Variants in DLGAP1 observed in about 807,000 individuals in gnomAD.
DLGAP1 encodes the protein DLG associated protein 1.
DLGAP1 carries 11 observed loss-of-function variants against 90.8 expected under a neutral mutation model. That is an observed-to-expected ratio of 0.12 (90% CI 0.08 to 0.20). The LOEUF (loss-of-function observed/expected upper bound fraction) is 0.20. DLGAP1 is among the 10% of genes least tolerant of loss of function. DLGAP1 has a pLI of 1.00. For synonymous variants in DLGAP1, 558 were observed against 540.7 expected (o/e 1.03, Z -0.44); for missense variants, 1,050 against 1,333.8 (o/e 0.79, Z 3.31).
chr18:3,876,025 G>GA (rs35857812), intron 4 of DLGAP1, among the ~76,000 whole-genome samples: 7,261 of 134,776 alleles, frequency 0.054, 406 homozygotes, highest in African/African-American at 0.15. Flanking sequence ...CAATAGAGCT[G>GA]AAAAAAAAAA....
chr18:3,584,945 G>T (rs1356475073), intron 7 of DLGAP1, among the ~76,000 whole-genome samples: 2 of 152,082 alleles, frequency 1.3e-5, no homozygotes, highest in East Asian at 1.9e-4. Context: ...AGAGATGGGG[G>T]TCTTGTTGTG....
At chr18:4,250,618 T>C (rs1294905032) in intron 1 of DLGAP1, among the ~76,000 whole-genome samples, 1 of 152,232 alleles carries the variant, frequency 6.6e-6, no homozygotes, top group African/African-American at 2.4e-5. Context: ...CCTCATACTT[T>C]AGCAAGATTT....
intron 5 of DLGAP1, among the ~76,000 whole-genome samples, chr18:3,749,172 CAG>C (rs1179378870): frequency 1.2e-4 from 13 of 111,634 alleles, no homozygotes; most frequent in Non-Finnish European, 2.2e-4. Flanking sequence ...TTTTTTTTGA[CAG>C]AGTCTCACTC....
At chr18:4,249,889 A>G (rs1198529379) in intron 1 of DLGAP1, among the ~76,000 whole-genome samples, 1 of 152,154 alleles carries the variant, frequency 6.6e-6, no homozygotes, top group Non-Finnish European at 1.5e-5. Context: ...AAGCGTGACC[A>G]TGTAAGTTTC....
intron 1 of DLGAP1, among the ~76,000 whole-genome samples, chr18:4,306,380 T>C (rs1239448661): frequency 5.3e-5 from 8 of 151,628 alleles, no homozygotes; most frequent in East Asian, 1.9e-4. Flanking sequence ...AAAAGTTTAA[T>C]ATGATCATAT....
At position 3,775,352 on chromosome 18, in the gene DLGAP1, A is replaced by G. The variant is rs2064889881; in HGVS notation, c.1173-32840T>C. ...GAAGGGCCTGGTGGGAGGTGACTGA[A>G]TCATGGGGGCAGACTTCCCTCTTGC... is the stretch of plus-strand genomic sequence containing the variant. On this transcript the variant is annotated intron_variant, in intron 5 of 12. Coordinates refer to ENST00000315677, the MANE Select transcript of DLGAP1 (RefSeq NM_004746.4). This position sits in a 1 kb window ranked among gnomAD's most constrained non-coding sequence, Gnocchi z 4.9. 6.6e-6 allele frequency among the ~76,000 whole-genome samples: 1 copy of G among 152,168 alleles called. No homozygotes were observed. The highest frequency in any genetic ancestry group is 2.4e-5 in the African/African-American group (1 of 41,416).
chr18:4,370,161 T>C (rs1424112286), intron 1 of DLGAP1, among the ~76,000 whole-genome samples: 1 of 152,192 alleles, frequency 6.6e-6, no homozygotes, highest in East Asian at 1.9e-4. Flanking sequence ...CAGGTCCTGC[T>C]GAATGTTTAG....
intron 7 of DLGAP1, among the ~76,000 whole-genome samples, chr18:3,686,356 AG>A (rs1042861505): frequency 6.6e-6 from 1 of 152,144 alleles, no homozygotes; most frequent in African/African-American, 2.4e-5. Flanking sequence ...TCATGGGGGA[AG>A]GTTGTTTAGA....
intron 7 of DLGAP1, among the ~76,000 whole-genome samples, chr18:3,664,975 C>A (rs1309888655): frequency 6.6e-6 from 1 of 152,130 alleles, no homozygotes; most frequent in African/African-American, 2.4e-5. Flanking sequence ...TAATATGAGG[C>A]CACTGGTCCT....
intron 1 of DLGAP1, among the ~76,000 whole-genome samples, chr18:4,358,917 A>T (rs1598278558): frequency 6.6e-6 from 1 of 152,106 alleles, no homozygotes; most frequent in African/African-American, 2.4e-5. Context: ...TTAGTAATAG[A>T]CCTGACAGTC....
At chr18:4,080,025 T>A (rs1290874197) in intron 2 of DLGAP1, among the ~76,000 whole-genome samples, 1 of 152,154 alleles carries the variant, frequency 6.6e-6, no homozygotes, top group Non-Finnish European at 1.5e-5. Context: ...ATCACTAGCT[T>A]GTTAACAGTG....
At chr18:3,891,478 T>A (rs1173036650) in intron 3 of DLGAP1, among the ~76,000 whole-genome samples, 3 of 152,148 alleles carry the variant, frequency 2.0e-5, no homozygotes, top group African/African-American at 7.2e-5. Flanking sequence ...AGGAATAGTA[T>A]CATGGGTCTC....
chr18:4,006,330 A>G (rs551001189), intron 2 of DLGAP1, among the ~76,000 whole-genome samples: 1 of 152,320 alleles, frequency 6.6e-6, no homozygotes, highest in South Asian at 2.1e-4. Flanking sequence ...TTCTCTTAGA[A>G]AAAGTCCAAG....
chr18:4,417,549 A>G (rs2082926947), intron 1 of DLGAP1, among the ~76,000 whole-genome samples: 1 of 152,164 alleles, frequency 6.6e-6, no homozygotes, highest in African/African-American at 2.4e-5. Flanking sequence ...AGGTAAAGAA[A>G]GCTGGGAAGA....
At chr18:3,888,937 G>C (rs1398807849) in intron 3 of DLGAP1, among the ~76,000 whole-genome samples, 3 of 152,078 alleles carry the variant, frequency 2.0e-5, no homozygotes, top group Non-Finnish European at 4.4e-5. Flanking sequence ...TGGTTATCTC[G>C]GCTAAATGGA....
rs548089940 is a variant in DLGAP1, at chr18:3,629,382, A to G, written c.1592-47134T>C. On this transcript the variant is annotated intron_variant, in intron 7 of 12. Transcript: ENST00000315677. The stretch of plus-strand genomic sequence containing the variant: ...TGTCTACAAACAAATAAATAAAAAT[A>G]AAAAATAGGCTGGGCGCGGTGGCTC... Among the ~76,000 whole-genome samples, 3 of 152,144 alleles carry G rather than the reference A, an allele frequency of 2.0e-5. No homozygotes were observed. The East Asian group carries it at 5.8e-4, about 29-fold the overall frequency.
At position 4,420,881 on chromosome 18, in the gene DLGAP1, C is replaced by T. The variant is rs112295196; in HGVS notation, c.-267+34125G>A. Among the ~76,000 whole-genome samples the T allele has an allele frequency of 6.4e-4, 98 of 152,256 alleles. 1 individual carries two copies. The highest frequency in any genetic ancestry group is 2.3e-3 in the African/African-American group (95 of 41,534). ...TTTATCACCTCCACATGAAATCAACCATGAGGCATTATTGATAAGGTACCC... is the reference window on the plus strand; with the variant it reads ...TTTATCACCTCCACATGAAATCAACTATGAGGCATTATTGATAAGGTACCC... On this transcript the variant is annotated intron_variant, in intron 1 of 12. Coordinates refer to ENST00000315677, the MANE Select transcript of DLGAP1 (RefSeq NM_004746.4).
chr18:3,608,067 T>A (rs2057406053), intron 7 of DLGAP1: 1 of 152,266 alleles, frequency 6.6e-6, no homozygotes, highest in Non-Finnish European at 1.5e-5. Context: ...CGTGGTGGCC[T>A]GTAATCCCAG....
chr18:3,579,902 C>G (rs1301396613), intron 8 of DLGAP1, among the ~76,000 whole-genome samples: 2 of 152,196 alleles, frequency 1.3e-5, no homozygotes, highest in Non-Finnish European at 2.9e-5. Flanking sequence ...CTCGCCTTCA[C>G]TCCCACATCT....
Sources: allele counts gnomAD v4.1 joint callset (sites outside exome capture counted in the v4.1 genomes callset), GRCh38; gene constraint gnomAD v4.1.1; non-coding constraint Gnocchi (gnomAD v3.1); transcripts MANE v1.5; gene names NCBI Gene and HGNC (gene_info 2026-07-23, HGNC 2026-07-21).